Variants in TBL1X observed in about 807,000 individuals in gnomAD.
TBL1X encodes the protein F-box-like/WD repeat-containing protein TBL1X.
Under a neutral mutation model 50.7 loss-of-function variants are expected in TBL1X, and 10 were observed. The ratio of observed to expected loss-of-function variants is 0.20; its 90% CI spans 0.12 to 0.33. The LOEUF (loss-of-function observed/expected upper bound fraction) is 0.33. Ranked by LOEUF, TBL1X falls within the 10% of genes least tolerant of loss-of-function variation. The pLI, the probability that TBL1X is intolerant of heterozygous loss-of-function variation, is 1.00. For synonymous variants in TBL1X, 190 were observed against 214.7 expected, an observed-to-expected ratio of 0.88 and a Z score of 1.01; for missense variants, 340 against 504.4, an observed-to-expected ratio of 0.67 and a Z score of 3.12.
intron 15 of TBL1X, 126 bp from the exon 16 acceptor site, chrX:9,711,485 T>C: frequency 1.5e-6 from 1 of 666,196 alleles, no homozygotes; most frequent in South Asian, 5.6e-5. Context: ...CAAAAAGCTT[T>C]TTAGTTATTA....
chrX:9,524,592 T>C (rs2082123591), intron 2 of TBL1X, among the ~76,000 whole-genome samples: 1 of 112,252 alleles, frequency 8.9e-6, no homozygotes, highest in Admixed American at 9.4e-5. Context: ...GCTGTTCCAT[T>C]GTATGGATAG....
intron 9 of TBL1X, 109 bp from the exon 10 acceptor site, chrX:9,693,040 T>A: frequency 5.3e-6 from 4 of 750,687 alleles, no homozygotes; most frequent in Non-Finnish European, 8.2e-6. Flanking sequence ...GAACACGCAG[T>A]GGCAAATGGT....
In TBL1X at chrX:9,688,147, C is replaced by A. The variant is rs1236755685; in HGVS notation, c.488C>A (p.Ala163Glu). Residue 163 changes from alanine (A) to glutamate (E), a missense_variant, in exon 7 of 18, where the codon GCG becomes GAG. Physicochemically the swap from Ala to Glu is moderately radical, Grantham distance 107. Transcript: ENST00000645353. ...GCTCAGCAGCAAGCCAGTGCGGCGG[C>A]GGCGGCGGCTGCGGCCACGGCAGCA... is the stretch of plus-strand genomic sequence containing the variant. ...KLAQQQASAA[A>E]AAAAATAAAT... 8 of 1,200,266 alleles carry A rather than the reference C, an allele frequency of 6.7e-6. No homozygotes were observed. Among genetic ancestry groups the A allele is most frequent in the South Asian group, 1.8e-5 (1 of 55,694 alleles).
intron 3 of TBL1X, among the ~76,000 whole-genome samples, chrX:9,652,003 A>G (rs2082838307): frequency 8.9e-6 from 1 of 112,202 alleles, no homozygotes. Flanking sequence ...GTCCAGGCAC[A>G]GCACAGCTGG....
At chrX:9,572,791 G>A (rs1012895949) in intron 2 of TBL1X, among the ~76,000 whole-genome samples, 4 of 112,633 alleles carry the variant, frequency 3.6e-5, no homozygotes, top group African/African-American at 1.3e-4. Context: ...AAGCCCTTCC[G>A]ATTGCAGGTG....
Position 9,690,668 on chromosome X carries a change from G to A in TBL1X, c.617-911G>A, listed in dbSNP as rs550205489. ...AGACAATTTGAAAACATGGGCAGTG[G>A]CTGTGTGCCAGTCACACTTTATTTA... is the stretch of plus-strand genomic sequence containing the variant. On this transcript the variant is annotated intron_variant, in intron 7 of 17. Transcript: ENST00000645353. 3.6e-5 allele frequency among the ~76,000 whole-genome samples: 4 copies of A among 112,128 alleles called. No homozygotes were observed. In the South Asian group the frequency reaches 1.5e-3, roughly 42 times the overall value.
At position 9,493,228 on chromosome X, in the gene TBL1X, A is replaced by G. The variant is rs747406444; in HGVS notation, c.-200-8552A>G. ...TGGTATTATCACATAAGCAATCTCT[A>G]AGTCCCTTGGAAGATTGTCTCATTC... is the stretch of plus-strand genomic sequence containing the variant. On this transcript the variant is annotated intron_variant, in intron 1 of 17. Coordinates refer to ENST00000645353, the MANE Select transcript of TBL1X (RefSeq NM_005647.4). Among the ~76,000 whole-genome samples, 3 of 111,341 alleles carry G rather than the reference A, an allele frequency of 2.7e-5. 1 individual carries two copies. The highest frequency in any genetic ancestry group is 9.8e-5 in the African/African-American group (3 of 30,633).
At chrX:9,622,854 T>C (rs1383951317) in intron 2 of TBL1X, among the ~76,000 whole-genome samples, 1 of 111,812 alleles carries the variant, frequency 8.9e-6, no homozygotes, top group Admixed American at 9.5e-5. Flanking sequence ...ATAAACAGCA[T>C]GTTGTTTATC....
intron 2 of TBL1X, among the ~76,000 whole-genome samples, chrX:9,518,010 G>A (rs2146963674): frequency 9.3e-6 from 1 of 107,872 alleles, no homozygotes; most frequent in South Asian, 4.2e-4. Flanking sequence ...TATGCGGGAG[G>A]ATTGTTTGAG....
chrX:9,653,002 A>T lies in TBL1X; in HGVS notation c.-42-543A>T, dbSNP rs2283692. Among the ~76,000 whole-genome samples the T allele has an allele frequency of 2.6e-3, 291 of 111,320 alleles. 6 individuals are homozygous for T. In the East Asian group the frequency reaches 0.071, roughly 27 times the overall value. On this transcript the variant is annotated intron_variant, in intron 3 of 17. Transcript: ENST00000645353. ...CAACATGGTGAAACCCCGTCTCTAC[A>T]AAAAATACAAAAATTAGCCGGGCGT...
chrX:9,584,184 C>T (rs933598431), intron 2 of TBL1X, among the ~76,000 whole-genome samples: 3 of 112,011 alleles, frequency 2.7e-5, no homozygotes, highest in African/African-American at 9.7e-5. Flanking sequence ...CAAAAGATAT[C>T]TGACCTAGAA....
chrX:9,574,459 GAAAA>G (rs376384853), intron 2 of TBL1X, among the ~76,000 whole-genome samples: 4 of 30,128 alleles, frequency 1.3e-4, no homozygotes, highest in Admixed American at 4.8e-4. Context: ...TGTCTCAAAT[GAAAA>G]AAAAAAAAAA....
At chrX:9,661,717 C>T (rs948173723) in intron 5 of TBL1X, among the ~76,000 whole-genome samples, 3 of 110,992 alleles carry the variant, frequency 2.7e-5, no homozygotes, top group Non-Finnish European at 3.8e-5. Flanking sequence ...CAACACGCAG[C>T]GAGGTTATAC....
chrX:9,635,312 G>A lies in TBL1X; in HGVS notation c.-130-4961G>A, dbSNP rs757368865. Among the ~76,000 whole-genome samples the A allele has an allele frequency of 6.3e-5, 7 of 110,863 alleles. No individual in the cohort carries two copies. In the South Asian group the frequency reaches 1.6e-3, roughly 25 times the overall value. ...ATGGCGGGGGGTGTGGGGAGGGGGC[G>A]GCAGCGGGCACTGTCTCCCCTGCTC... On this transcript the variant is annotated intron_variant, in intron 2 of 17. Transcript: ENST00000645353.
At chrX:9,496,592 A>G (rs150402583) in intron 1 of TBL1X, among the ~76,000 whole-genome samples, 246 of 112,732 alleles carry the variant, frequency 2.2e-3, no homozygotes, top group Admixed American at 4.2e-3. Flanking sequence ...GTTCAATTCA[A>G]TGGAATCTTT....
At chrX:9,667,218 G>A (rs1186000872) in intron 5 of TBL1X, among the ~76,000 whole-genome samples, 2 of 111,527 alleles carry the variant, frequency 1.8e-5, no homozygotes, top group African/African-American at 6.5e-5. Flanking sequence ...GCTGAGATCG[G>A]CCACTGCACT....
At chrX:9,698,977 G>T (rs1601847890) in intron 12 of TBL1X, among the ~76,000 whole-genome samples, 1 of 111,200 alleles carries the variant, frequency 9.0e-6, no homozygotes, top group East Asian at 2.8e-4. Context: ...GGTCGTTTTG[G>T]GTTTTTTTGT....
Position 9,709,843 on chromosome X carries a change from G to A in TBL1X, c.1439+83G>A, listed in dbSNP as rs754771779. ...TCTGCTAAAGCGCGTCCATGCACGT[G>A]TGTTGAAGCCCTTCAGAGGAAGCAA... On this transcript the variant is annotated intron_variant, in intron 15 of 17. Transcript: ENST00000645353. The A allele has an allele frequency of 2.3e-5, 26 of 1,128,879 alleles. No individual in the cohort carries two copies. The African/African-American group carries it at 4.3e-4, about 19-fold the overall frequency. 93.0% of individuals were successfully genotyped at this position (1,128,879 alleles called of 1,213,427 possible).
chrX:9,478,374 C>T (rs982224073), intron 1 of TBL1X, among the ~76,000 whole-genome samples: 1 of 111,352 alleles, frequency 9.0e-6, no homozygotes, highest in Non-Finnish European at 1.9e-5. Flanking sequence ...CCAGGATCTA[C>T]CTCTGCTCTA....
Sources: gnomAD v4.1 joint callset for allele counts (sites outside exome capture counted in the v4.1 genomes callset) on GRCh38, gnomAD v4.1.1 for gene constraint, MANE v1.5 for transcripts, NCBI Gene and HGNC (gene_info 2026-07-23, HGNC 2026-07-21) for gene names.